AHNAK: variants seen among roughly 807,000 people sequenced by gnomAD.
The protein encoded by AHNAK is AHNAK nucleoprotein, also known as neuroblast differentiation-associated protein AHNAK.
Under a neutral mutation model 37.8 loss-of-function variants are expected in AHNAK, and 23 were observed. The ratio of observed to expected loss-of-function variants is 0.61; its 90% confidence interval spans 0.44 to 0.86. AHNAK has a LOEUF of 0.86. AHNAK is among the 40% of genes least tolerant of loss of function. AHNAK has a pLI of 0.00. For missense variants in AHNAK, 7,411 were observed against 7,319.4 expected, an observed-to-expected ratio of 1.01 and a Z score of -0.46; for synonymous variants, 2,481 against 2,636.3, an observed-to-expected ratio of 0.94 and a Z score of 1.80.
Position 62,515,998 on chromosome 11 carries a change from A to G in AHNAK, c.*746T>C, listed in dbSNP as rs1450082207. 8.6e-7 allele frequency: 1 copy of G among 1,167,324 alleles called. No individual in the cohort carries two copies. Among genetic ancestry groups the G allele is most frequent in the Non-Finnish European group, 1.1e-6 (1 of 929,332 alleles). The allele number at this position is 1,167,324 out of a possible 1,614,324, so 72.3% of individuals were successfully genotyped here. ...TAAAGTGCTGGAAATTTTCTTAATCATGATAACATTTGTTAAAAAGAAATC... is the reference window on the plus strand; with the variant it reads ...TAAAGTGCTGGAAATTTTCTTAATCGTGATAACATTTGTTAAAAAGAAATC... On this transcript the variant is annotated 3_prime_UTR_variant, in exon 5 of 5. Transcript: ENST00000378024.
rs745483529 is a variant in AHNAK at position 62,524,380 on chromosome 11, T to G, written c.10037A>C (p.Lys3346Thr). The change falls in exon 5 of 5, where the codon AAG becomes ACG. Residue 3346 changes from lysine (K) to threonine (T), a missense_variant. Transcript: ENST00000378024. ...AAGCTTAAAACGAGATTTCTTTGACTTGCCTTCGATATTAAGCTTAGGACC... is the reference window on the plus strand; with the variant it reads ...AAGCTTAAAACGAGATTTCTTTGACGTGCCTTCGATATTAAGCTTAGGACC... ...VSGPKLNIEG[K>T]SKKSRFKLPK... 2.1e-5 allele frequency: 34 copies of G among 1,612,662 alleles called. No individual in the cohort carries two copies. Among genetic ancestry groups the G allele is most frequent in the Non-Finnish European group, 2.8e-5 (33 of 1,179,694 alleles).
chr11:62,516,031 A>T lies in AHNAK; in HGVS notation c.*713T>A. 2 of 1,181,694 alleles carry T rather than the reference A, an allele frequency of 1.7e-6. No individual in the cohort carries two copies. Among genetic ancestry groups the T allele is most frequent in the Non-Finnish European group, 2.1e-6 (2 of 936,680 alleles). 73.2% of individuals were successfully genotyped at this position (1,181,694 alleles called of 1,614,324 possible). A position where few individuals can be genotyped will look rare whatever the true frequency, so the allele number is the denominator to read the frequency against. ...ATTTGTTAAAAAGAAATCAGAACTAATATCAGGAACATGGCGGCATGAAGG... is the reference window on the plus strand; with the variant it reads ...ATTTGTTAAAAAGAAATCAGAACTATTATCAGGAACATGGCGGCATGAAGG... On this transcript the variant is annotated 3_prime_UTR_variant, in exon 5 of 5. Transcript: ENST00000378024.
chr11:62,519,393 C>T lies in AHNAK; in HGVS notation c.15024G>A (p.Glu5008=). The T allele has an allele frequency of 6.2e-7, 1 of 1,613,828 alleles. No individual in the cohort carries two copies. Among genetic ancestry groups the T allele is most frequent in the Non-Finnish European group, 8.5e-7 (1 of 1,179,860 alleles). ...VTVPEAELNL[E]TPEISVGGKG... The stretch of plus-strand genomic sequence containing the variant: ...TGCCACCAACACTAATTTCAGGAGT[C>T]TCAAGGTTCAGCTCTGCCTCAGGAA... Residue 5008 remains glutamate, a synonymous_variant, in exon 5 of 5, where the codon GAG becomes GAA. Coordinates refer to ENST00000378024, the MANE Select transcript of AHNAK (RefSeq NM_001620.3).
At chr11:62,499,671 G>A (rs571149937) in intron 4 of AHNAK, among the ~76,000 whole-genome samples, 1 of 152,142 alleles carries the variant, frequency 6.6e-6, no homozygotes, top group African/African-American at 2.4e-5. Context: ...GTGGCCGAGT[G>A]CTGGTGGGGC....
intron 5 of AHNAK, among the ~76,000 whole-genome samples, chr11:62,461,081 C>G (rs536108137): frequency 1.3e-5 from 2 of 149,888 alleles, no homozygotes; most frequent in East Asian, 2.0e-4. Context: ...GTGATCCGCC[C>G]GCCTCGGCCT....
chr11:62,453,650 G>A (rs1259066380), intron 5 of AHNAK, among the ~76,000 whole-genome samples: 2 of 152,166 alleles, frequency 1.3e-5, no homozygotes, highest in Non-Finnish European at 2.9e-5. Flanking sequence ...ACCAAAAGGG[G>A]TGGGTGACTT....
At chr11:62,479,790 G>A (rs939542797) in intron 5 of AHNAK, among the ~76,000 whole-genome samples, 15 of 152,134 alleles carry the variant, frequency 9.9e-5, no homozygotes, top group African/African-American at 3.4e-4. Flanking sequence ...CTCTCCAAGT[G>A]GGTGATCCAT....
In AHNAK at chr11:62,519,073, C is replaced by T; in HGVS notation, c.15344G>A (p.Gly5115Asp). The change falls in exon 5 of 5, where the codon GGT (glycine) becomes GAT (aspartate). Residue 5115 changes from glycine (G) to aspartate (D), a missense_variant. Gly to Asp is a moderately conservative substitution (Grantham distance 94). Coordinates refer to ENST00000378024, the MANE Select transcript of AHNAK (RefSeq NM_001620.3). ...EAPLPSPKLE[G>D]ELQAPDLELS... ...TTCCAGATCAGGTGCCTGGAGTTCA[C>T]CCTCCAGTTTGGGGCTAGGGAGAGG... 6.2e-7 allele frequency: 1 copy of T among 1,613,068 alleles called. No homozygotes were observed. The highest frequency in any genetic ancestry group is 1.7e-4 in the Middle Eastern group (1 of 6,054).
Position 62,526,688 on chromosome 11 carries a change from G to C in AHNAK, c.7729C>G (p.Pro2577Ala), listed in dbSNP as rs373193658. ...LKMPEMNIKA[P>A]KISMPDFDLH... ...TCAAAGTCAGGCATGGAGATCTTGGGGGCTTTGATGTTCATCTCTGGCATC... is the reference window on the plus strand; with the variant it reads ...TCAAAGTCAGGCATGGAGATCTTGGCGGCTTTGATGTTCATCTCTGGCATC... The change falls in exon 5 of 5, where the codon CCC (proline) becomes GCC (alanine). Residue 2577 changes from proline (P) to alanine (A), a missense_variant. Coordinates refer to ENST00000378024, the MANE Select transcript of AHNAK (RefSeq NM_001620.3). 3.1e-6 allele frequency: 5 copies of C among 1,611,500 alleles called. No homozygotes were observed. Among genetic ancestry groups the C allele is most frequent in the Non-Finnish European group, 4.2e-6 (5 of 1,179,494 alleles).
At chr11:62,459,242 A>T (rs1430858090) in intron 5 of AHNAK, among the ~76,000 whole-genome samples, 1 of 152,144 alleles carries the variant, frequency 6.6e-6, no homozygotes, top group Non-Finnish European at 1.5e-5. Flanking sequence ...ATTTCACAAC[A>T]CTTCACATGA....
Position 62,530,146 on chromosome 11 carries a change from T to G in AHNAK, c.4271A>C (p.Asp1424Ala). Residue 1424 changes from aspartate (D) to alanine (A), a missense_variant, in exon 5 of 5, where the codon GAT becomes GCT. Transcript: ENST00000378024. ...TGCGTCTGGACCTTCAATATTCACATCTGGAACTTCAGCATCCATTTTGGG... is the reference window on the plus strand; with the variant it reads ...TGCGTCTGGACCTTCAATATTCACAGCTGGAACTTCAGCATCCATTTTGGG... ...SGPKMDAEVPDVNIEGPDAKL... is the reference protein window; with the variant it reads ...SGPKMDAEVPAVNIEGPDAKL... The G allele has an allele frequency of 6.2e-7, 1 of 1,614,108 alleles. No individual in the cohort carries two copies. The highest frequency in any genetic ancestry group is 1.1e-5 in the South Asian group (1 of 91,080).
Position 62,524,212 on chromosome 11 carries a change from T to C in AHNAK, c.10205A>G (p.Lys3402Arg), listed in dbSNP as rs1940383408. ...AATACTCAGGAAAGGCATTTTAAAC[T>C]TGGATCCTTTCACTTTTCCTTGGAC... ...VEVQGKVKGS[K>R]FKMPFLSISS... The change falls in exon 5 of 5, where the codon AAG (lysine) becomes AGG (arginine). Residue 3402 changes from lysine to arginine, a missense_variant. By Grantham distance (26) the Lys-to-Arg change is conservative. Transcript: ENST00000378024. 1 of 1,613,088 alleles carries C rather than the reference T, an allele frequency of 6.2e-7. No homozygotes were observed. The highest frequency in any genetic ancestry group is 2.2e-5 in the East Asian group (1 of 44,886).
chr11:62,527,774 C>A lies in AHNAK; in HGVS notation c.6643G>T (p.Val2215Leu), dbSNP rs565144763. ...GGCCCTCTGATGTCAACATCTGGCA[C>A]TTTCATTTCACCTTCTACCTTGGGA... ...SVPKVEGEMK[V>L]PDVDIRGPKV... is the part of the protein sequence containing the mutation. Residue 2215 changes from valine (V) to leucine (L), a missense_variant, in exon 5 of 5, where the codon GTG becomes TTG. Transcript: ENST00000378024. 15 of 1,613,882 alleles carry A rather than the reference C, an allele frequency of 9.3e-6. No individual in the cohort carries two copies. The Admixed American group carries it at 2.5e-4, about 27-fold the overall frequency.
At chr11:62,496,916 A>G (rs2044572332) in intron 4 of AHNAK, among the ~76,000 whole-genome samples, 1 of 152,138 alleles carries the variant, frequency 6.6e-6, no homozygotes, top group South Asian at 2.1e-4. Context: ...AAAAGAAAAC[A>G]GAGGTTGAGA....
Position 62,531,342 on chromosome 11 carries a change from C to T in AHNAK, c.3075G>A (p.Ala1025=), listed in dbSNP as rs765810050. The T allele has an allele frequency of 5.6e-6, 9 of 1,611,610 alleles. No individual in the cohort carries two copies. The highest frequency in any genetic ancestry group is 3.3e-4 in the Middle Eastern group (2 of 6,066). ...CTTTTGGTGCAGAAATGTCCACATTCGCTTTGGACAGGTTCACATCAAATT... is the reference window on the plus strand; with the variant it reads ...CTTTTGGTGCAGAAATGTCCACATTTGCTTTGGACAGGTTCACATCAAATT... ...GPEFDVNLSK[A]NVDISAPKVD... The change falls in exon 5 of 5, where the codon GCG becomes GCA. Residue 1025 remains alanine, a synonymous_variant. Transcript: ENST00000378024.
chr11:62,434,312 T>C, intron 5 of AHNAK, among the ~76,000 whole-genome samples: 1 of 152,142 alleles, frequency 6.6e-6, no homozygotes, highest in Admixed American at 6.5e-5. Flanking sequence ...CCAAACTGAC[T>C]TTCTCTCTTC....
intron 4 of AHNAK, among the ~76,000 whole-genome samples, chr11:62,534,485 T>C (rs1405378148): frequency 6.6e-6 from 1 of 152,196 alleles, no homozygotes; most frequent in African/African-American, 2.4e-5. Context: ...CCTTGGACCC[T>C]GAAAGCACTC....
chr11:62,530,111 C>A lies in AHNAK; in HGVS notation c.4306G>T (p.Gly1436Cys). Residue 1436 changes from glycine (G) to cysteine (C), a missense_variant, in exon 5 of 5, where the codon GGT (glycine) becomes TGT (cysteine). Transcript: ENST00000378024. Reference protein sequence around the residue: ...NIEGPDAKLKGPKFKMPEMSI... With the variant: ...NIEGPDAKLKCPKFKMPEMSI... ...ATTTCTGGCATCTTGAATTTGGGAC[C>A]TTTTAGTTTTGCGTCTGGACCTTCA... 1 of 1,614,084 alleles carries A rather than the reference C, an allele frequency of 6.2e-7. No individual in the cohort carries two copies. Among genetic ancestry groups the A allele is most frequent in the Non-Finnish European group, 8.5e-7 (1 of 1,179,994 alleles).
chr11:62,543,968 GTCTC>G (rs1358132297), intron 1 of AHNAK, among the ~76,000 whole-genome samples: 1 of 152,162 alleles, frequency 6.6e-6, no homozygotes, highest in African/African-American at 2.4e-5. Context: ...CTCCCGGTCT[GTCTC>G]TCTGTCTGTC....
Sources: allele counts gnomAD v4.1 joint callset (sites outside exome capture counted in the v4.1 genomes callset), GRCh38; gene constraint gnomAD v4.1.1; transcripts MANE v1.5; gene names NCBI Gene and HGNC (gene_info 2026-07-23, HGNC 2026-07-21).